C8A: variants seen among roughly 807,000 people sequenced by gnomAD.
The protein encoded by C8A is complement component C8 alpha chain.
Under a neutral mutation model 65.3 loss-of-function variants are expected in C8A, and 67 were observed. That is an observed-to-expected ratio of 1.03 (90% CI 0.84 to 1.26). The LOEUF is 1.26. C8A is among the 50% of genes most tolerant of loss of function. The probability of loss-of-function intolerance (pLI) is 0.00; values close to 1 mark genes in which losing one functional copy is unlikely to be tolerated. For synonymous variants in C8A, 290 were observed against 259.4 expected, an observed-to-expected ratio of 1.12 and a Z score of -1.13; for missense variants, 781 against 723.9, an observed-to-expected ratio of 1.08 and a Z score of -0.90.
intron 4 of C8A, among the ~76,000 whole-genome samples, chr1:56,878,780 T>C (rs918585246): frequency 2.6e-5 from 4 of 152,186 alleles, no homozygotes; most frequent in African/African-American, 7.2e-5. Flanking sequence ...AGCTGACCCC[T>C]GTTAACAGTT....
rs371401682 is a variant in C8A at position 56,866,716 on chromosome 1, A to G, written c.78-893A>G. 1.3e-3 allele frequency among the ~76,000 whole-genome samples: 191 copies of G among 152,296 alleles called. 1 individual carries two copies. The highest frequency in any genetic ancestry group is 4.3e-3 in the African/African-American group (178 of 41,560). On this transcript the variant is annotated intron_variant, in intron 1 of 10. Transcript: ENST00000361249. ...GCCAATCTGGCTTTGAAGTTGTAGCAGTGGTACTATGGGAAGAGGCTAATG... is the reference window on the plus strand; with the variant it reads ...GCCAATCTGGCTTTGAAGTTGTAGCGGTGGTACTATGGGAAGAGGCTAATG...
rs1166785471 is a variant in C8A, at chr1:56,882,830, T to C, written c.655-651T>C. ...AGCTGAAGCAACAATACCTTGCTTA[T>C]GCTATTTGTCCACCCTAAAGTAGAA... On this transcript the variant is annotated intron_variant, in intron 5 of 10. Transcript: ENST00000361249. 1.3e-5 allele frequency among the ~76,000 whole-genome samples: 2 copies of C among 152,138 alleles called. 1 individual carries two copies. The highest frequency in any genetic ancestry group is 3.9e-4 in the East Asian group (2 of 5,182).
chr1:56,883,594 A>C lies in C8A; in HGVS notation c.768A>C (p.Pro256=). ...DSFGVTIGIG[P]AGSPLLVGVG... ...TTGGAGTGACCATCGGCATAGGCCC[A>C]GCCGGCAGCCCTTTATTGGTGGGTG... The change falls in exon 6 of 11, where the codon CCA becomes CCC. Residue 256 remains proline (P), a synonymous_variant. Transcript: ENST00000361249. 1 of 1,614,012 alleles carries C rather than the reference A, an allele frequency of 6.2e-7. No individual in the cohort carries two copies. The highest frequency in any genetic ancestry group is 1.1e-5 in the South Asian group (1 of 91,080).
intron 7 of C8A, among the ~76,000 whole-genome samples, chr1:56,904,660 A>G (rs1279947357): frequency 2.0e-5 from 3 of 152,194 alleles, no homozygotes; most frequent in Admixed American, 2.0e-4. Context: ...GCCTTAGGCA[A>G]TATAATTAAC....
At chr1:56,867,110 A>G (rs1382403483) in intron 1 of C8A, among the ~76,000 whole-genome samples, 1 of 152,218 alleles carries the variant, frequency 6.6e-6, no homozygotes, top group Non-Finnish European at 1.5e-5. Context: ...AATGAAAATC[A>G]TCTTGTAGTA....
intron 10 of C8A, among the ~76,000 whole-genome samples, chr1:56,915,598 C>T (rs1312942131): frequency 6.6e-6 from 1 of 152,160 alleles, no homozygotes; most frequent in Non-Finnish European, 1.5e-5. Flanking sequence ...AATAACTAAG[C>T]CTTATTAGTA....
intron 7 of C8A, among the ~76,000 whole-genome samples, chr1:56,892,035 C>T (rs1488809483): frequency 1.3e-5 from 2 of 152,098 alleles, no homozygotes; most frequent in Non-Finnish European, 2.9e-5. Context: ...GCTGCATTCT[C>T]CTTGCTTCTT....
chr1:56,877,109 G>A (rs908868984), intron 4 of C8A, among the ~76,000 whole-genome samples: 2 of 152,216 alleles, frequency 1.3e-5, no homozygotes, highest in Non-Finnish European at 2.9e-5. Flanking sequence ...AATGAGACAT[G>A]TGAGGACACA....
chr1:56,876,321 T>C, intron 4 of C8A, 112 bp downstream of exon 4: 2 of 1,215,240 alleles, frequency 1.6e-6, no homozygotes, highest in Non-Finnish European at 2.4e-6. Context: ...CTGGAGTGCA[T>C]GCTGTGAGCT....
At chr1:56,893,006 A>G (rs1321432111) in intron 7 of C8A, among the ~76,000 whole-genome samples, 2 of 152,174 alleles carry the variant, frequency 1.3e-5, no homozygotes, top group East Asian at 3.9e-4. Context: ...GCTCACAAAA[A>G]CAGCCGTAGC....
rs1444822349 is a variant in C8A, at chr1:56,885,365, T to A, written c.856-562T>A. Among the ~76,000 whole-genome samples the A allele has an allele frequency of 7.2e-5, 6 of 83,324 alleles. 1 individual carries two copies. Among genetic ancestry groups the A allele is most frequent in the East Asian group, 4.4e-4 (1 of 2,270 alleles). The allele number at this position is 83,324 out of a possible 152,430, so 54.7% of individuals were successfully genotyped here. A position where few individuals can be genotyped will look rare whatever the true frequency, so the allele number is the denominator to read the frequency against. On this transcript the variant is annotated intron_variant, in intron 6 of 10. Coordinates refer to ENST00000361249, the MANE Select transcript of C8A (RefSeq NM_000562.3). Reference sequence around the variant, plus strand: ...ACATAAATATATATTTATGTAAATATATATTTATATTTATTTAAATATATA... The same window carrying A: ...ACATAAATATATATTTATGTAAATAAATATTTATATTTATTTAAATATATA...
intron 7 of C8A, among the ~76,000 whole-genome samples, chr1:56,894,201 C>T (rs778887632): frequency 3.3e-5 from 5 of 152,088 alleles, no homozygotes; most frequent in Non-Finnish European, 7.4e-5. Context: ...AAACATTGCT[C>T]AACTGGGAGG....
Position 56,854,963 on chromosome 1 carries a change from A to G in C8A, c.62A>G (p.Gln21Arg). The change falls in exon 1 of 11, where the codon CAG becomes CGG. Residue 21 changes from glutamine (Q) to arginine (R), a missense_variant. Gln to Arg is a conservative substitution (Grantham distance 43). Transcript: ENST00000361249. ...ACTTGTCAGCCTGGGGTAACTGCAC[A>G]GGAGAAGGTGAACCAGTAAGTGGGC... ...LMTCQPGVTA[Q>R]EKVNQRVRRA... 1 of 1,613,760 alleles carries G rather than the reference A, an allele frequency of 6.2e-7. No homozygotes were observed. Among genetic ancestry groups the G allele is most frequent in the Non-Finnish European group, 8.5e-7 (1 of 1,179,794 alleles).
At chr1:56,855,263 A>C (rs1643962755) in intron 1 of C8A, among the ~76,000 whole-genome samples, 1 of 152,174 alleles carries the variant, frequency 6.6e-6, no homozygotes, top group African/African-American at 2.4e-5. Context: ...AATGAGAATA[A>C]TAATACCTCT....
At position 56,881,592 on chromosome 1, in the gene C8A, A is replaced by G; in HGVS notation, c.612A>G (p.Lys204=). The change falls in exon 5 of 11, where the codon AAA becomes AAG. Residue 204 remains lysine, a synonymous_variant. Transcript: ENST00000361249. ...CERLYYGDDE[K]YFRKPYNFLK... The stretch of plus-strand genomic sequence containing the variant: ...GTCTCTACTATGGAGATGATGAGAA[A>G]TACTTTCGGAAACCCTACAACTTTC... The G allele has an allele frequency of 6.2e-7, 1 of 1,613,710 alleles. No homozygotes were observed. Among genetic ancestry groups the G allele is most frequent in the Non-Finnish European group, 8.5e-7 (1 of 1,179,768 alleles).
chr1:56,911,432 G>A (rs904057571), intron 9 of C8A, among the ~76,000 whole-genome samples: 2 of 152,174 alleles, frequency 1.3e-5, no homozygotes, highest in African/African-American at 4.8e-5. Context: ...TCGGAAGCAG[G>A]GTAGCTGGGG....
chr1:56,908,061 A>C lies in C8A; in HGVS notation c.1328A>C (p.Tyr443Ser). Reference sequence around the variant, plus strand: ...GCACAGAACAGGAGCACCATTACATACCGTTCCTGGGGGAGGTCATTAAAG... The same window carrying C: ...GCACAGAACAGGAGCACCATTACATCCCGTTCCTGGGGGAGGTCATTAAAG... The part of the protein sequence containing the change: ...GLAQNRSTIT[Y>S]RSWGRSLKYN... The change falls in exon 9 of 11, where the codon TAC becomes TCC. Residue 443 changes from tyrosine (Y) to serine (S), a missense_variant. Coordinates refer to ENST00000361249, the MANE Select transcript of C8A (RefSeq NM_000562.3). 6.2e-7 allele frequency: 1 copy of C among 1,614,056 alleles called. No individual in the cohort carries two copies.
At chr1:56,876,018 G>T in intron 3 of C8A, 44 bp from the exon 4 acceptor site, 1 of 1,604,630 alleles carries the variant, frequency 6.2e-7, no homozygotes, top group East Asian at 2.2e-5. Context: ...TGAGTCTGGA[G>T]GGAGAGGGGA....
intron 7 of C8A, among the ~76,000 whole-genome samples, chr1:56,888,232 C>G (rs946455090): frequency 1.3e-5 from 2 of 152,076 alleles, no homozygotes; most frequent in Non-Finnish European, 2.9e-5. Context: ...ACACTCAACA[C>G]AGGGGTTAAT....
Sources: gnomAD v4.1 joint callset for allele counts (sites outside exome capture counted in the v4.1 genomes callset) on GRCh38, gnomAD v4.1.1 for gene constraint, MANE v1.5 for transcripts, NCBI Gene and HGNC (gene_info 2026-07-23, HGNC 2026-07-21) for gene names.